The following PRDM2 variants were observed in gnomAD, a reference collection of about 807,000 sequenced individuals.
The protein encoded by PRDM2 is PR/SET domain 2, also known as PR domain zinc finger protein 2.
A neutral mutation model predicts 130.0 loss-of-function variants in PRDM2; 30 were observed. The observed-to-expected ratio is 0.23, with a 90% CI of 0.17 to 0.31. The LOEUF (loss-of-function observed/expected upper bound fraction) is 0.31, where lower values mean the gene tolerates loss of function less well. PRDM2 is among the 10% of genes least tolerant of loss of function. PRDM2 has a pLI of 1.00. For synonymous variants in PRDM2, 871 were observed against 782.4 expected, an observed-to-expected ratio of 1.11 and a Z score of -1.89; for missense variants, 2,011 against 2,108.4, an observed-to-expected ratio of 0.95 and a Z score of 0.90.
At position 13,741,974 on chromosome 1, in the gene PRDM2, CA is replaced by C. The variant is rs776810521; in HGVS notation, c.232-27del. On this transcript the variant is annotated intron_variant, in intron 4 of 9. Transcript: ENST00000311066. ...CATTTTAAAGATACTCCTATTTTAA[CA>C]AAAGTTTTTTACTTTTCTCCATTTT... 4 of 1,497,772 alleles carry C rather than the reference CA, an allele frequency of 2.7e-6. No homozygotes were observed. The East Asian group carries it at 9.1e-5, about 34-fold the overall frequency. 92.8% of individuals were successfully genotyped at this position (1,497,772 alleles called of 1,614,324 possible). A position where few individuals can be genotyped will look rare whatever the true frequency, so the allele number is the denominator to read the frequency against.
intron 5 of PRDM2, among the ~76,000 whole-genome samples, chr1:13,747,393 C>T (rs1033971567): frequency 4.6e-5 from 7 of 152,138 alleles, no homozygotes; most frequent in African/African-American, 1.7e-4. Flanking sequence ...TAACATAAGC[C>T]TGTTCTTTCA....
intron 6 of PRDM2, among the ~76,000 whole-genome samples, chr1:13,761,061 T>G (rs1210085740): frequency 6.6e-6 from 1 of 152,252 alleles, no homozygotes; most frequent in Non-Finnish European, 1.5e-5. Flanking sequence ...TCTTAAAAGC[T>G]GTCTTGTTTC....
At position 13,824,073 on chromosome 1, in the gene PRDM2, GC is replaced by G. The variant is rs1282536631; in HGVS notation, c.*940del. 1.3e-5 allele frequency: 2 copies of G among 152,686 alleles called. No individual in the cohort carries two copies. Among genetic ancestry groups the G allele is most frequent in the Non-Finnish European group, 2.9e-5 (2 of 68,056 alleles). The allele number at this position is 152,686 out of a possible 1,614,324, so 9.5% of individuals were successfully genotyped here. A position where few individuals can be genotyped will look rare whatever the true frequency, so the allele number is the denominator to read the frequency against. On this transcript the variant is annotated 3_prime_UTR_variant, in exon 10 of 10. Coordinates refer to ENST00000311066, the MANE Select transcript of PRDM2 (RefSeq NM_001393986.1). The stretch of plus-strand genomic sequence containing the variant: ...GGGGGAAGAAGAAGAGATTTCGGAG[GC>G]CATCCTGCCAGGGGCGGACGGGGCT...
intron 8 of PRDM2, among the ~76,000 whole-genome samples, chr1:13,783,605 A>T (rs923667028): frequency 1.3e-5 from 2 of 152,176 alleles, no homozygotes; most frequent in African/African-American, 4.8e-5. Context: ...TTACTGCTTT[A>T]TTCCCTGTGC....
At chr1:13,785,874 C>T (rs1393573287) in intron 8 of PRDM2, among the ~76,000 whole-genome samples, 34 of 147,640 alleles carry the variant, frequency 2.3e-4, no homozygotes, top group African/African-American at 6.3e-4. Context: ...AGTCTCGCTC[C>T]GTTGCCCAGG....
At position 13,773,146 on chromosome 1, in the gene PRDM2, G is replaced by A; in HGVS notation, c.580G>A (p.Glu194Lys). The change falls in exon 7 of 10, where the codon GAG (glutamate) becomes AAG (lysine). Residue 194 changes from glutamate to lysine, a missense_variant. Transcript: ENST00000311066. ...KIQDIQLKTS[E>K]PDFTSANMRD... is the part of the protein sequence containing the mutation. The stretch of plus-strand genomic sequence containing the variant: ...CCAAGACATACAACTGAAGACAAGT[G>A]AGCCAGATTTCACCTCTGCAAATAT... 1 of 1,576,780 alleles carries A rather than the reference G, an allele frequency of 6.3e-7. No homozygotes were observed. The highest frequency in any genetic ancestry group is 8.6e-7 in the Non-Finnish European group (1 of 1,165,800).
intron 4 of PRDM2, among the ~76,000 whole-genome samples, chr1:13,735,019 G>A (rs1264473027): frequency 6.6e-6 from 1 of 152,132 alleles, no homozygotes; most frequent in Non-Finnish European, 1.5e-5. Context: ...TAATGTAACA[G>A]AAATGGCTTA....
intron 1 of PRDM2, chr1:13,704,723 G>A (rs1367580956): frequency 2.0e-5 from 3 of 152,162 alleles, no homozygotes; most frequent in East Asian, 1.9e-4. Flanking sequence ...GGATAATTCC[G>A]TGGCACTTTC....
chr1:13,782,647 A>G lies in PRDM2; in HGVS notation c.4852A>G (p.Ser1618Gly). Residue 1618 changes from serine (S) to glycine (G), a missense_variant, in exon 8 of 10, where the codon AGC becomes GGC. By Grantham distance (56) the Ser-to-Gly change is moderately conservative. This residue lies in a region of PRDM2 where 410 missense variants were observed against 395.9 expected (regional missense o/e 1.04). Transcript: ENST00000311066. Reference sequence around the variant, plus strand: ...GAGCCTGCACGTGAGGGTACAGAAAAGCAAAGCTGTTTTACAAAGCAAATC... The same window carrying G: ...GAGCCTGCACGTGAGGGTACAGAAAGGCAAAGCTGTTTTACAAAGCAAATC... ...SRSLHVRVQK[S>G]KAVLQSKSTL... 1 of 1,614,160 alleles carries G rather than the reference A, an allele frequency of 6.2e-7. No homozygotes were observed. The highest frequency in any genetic ancestry group is 8.5e-7 in the Non-Finnish European group (1 of 1,180,042).
intron 8 of PRDM2, among the ~76,000 whole-genome samples, chr1:13,794,912 C>G (rs1644898937): frequency 1.3e-5 from 2 of 152,218 alleles, no homozygotes; most frequent in Non-Finnish European, 2.9e-5. Flanking sequence ...CACCAAGGAC[C>G]TTTGCTGTGT....
chr1:13,780,450 C>G lies in PRDM2; in HGVS notation c.2655C>G (p.Thr885=). The G allele has an allele frequency of 6.2e-7, 1 of 1,614,208 alleles. No homozygotes were observed. Among genetic ancestry groups the G allele is most frequent in the African/African-American group, 1.3e-5 (1 of 75,054 alleles). ...CTGTAAAGAAAAGGAAACCAACCAC[C>G]TGCATGCTGCAGAAGGTTCTTCTCA... ...CSAVKKRKPT[T]CMLQKVLLNE... is the part of the protein sequence containing the mutation. The change falls in exon 8 of 10, where the codon ACC becomes ACG. Residue 885 remains threonine (T), a synonymous_variant. Transcript: ENST00000311066.
chr1:13,774,747 C>A (rs187633795), intron 7 of PRDM2, among the ~76,000 whole-genome samples: 7 of 152,152 alleles, frequency 4.6e-5, no homozygotes, highest in Admixed American at 3.9e-4. Context: ...GAGGCCGAGG[C>A]GGGTGGATCA....
chr1:13,793,820 CAAAAG>C (rs984379902), intron 8 of PRDM2, among the ~76,000 whole-genome samples: 8 of 151,742 alleles, frequency 5.3e-5, no homozygotes, highest in Non-Finnish European at 1.2e-4. Flanking sequence ...TGAGCTAAAA[CAAAAG>C]AAAGATATCG....
chr1:13,715,673 G>T, intron 2 of PRDM2, 59 bp downstream of exon 2: 1 of 1,448,172 alleles, frequency 6.9e-7, no homozygotes, highest in South Asian at 1.3e-5. Context: ...ACCAGCTCTT[G>T]ATTTTTACAA....
At chr1:13,818,677 T>G (rs1300380882) in intron 9 of PRDM2, among the ~76,000 whole-genome samples, 1 of 151,968 alleles carries the variant, frequency 6.6e-6, no homozygotes, top group African/African-American at 2.4e-5. Context: ...GAGCCACCGC[T>G]CCCGGCTGTT....
chr1:13,767,025 G>A (rs1359787541), intron 6 of PRDM2, among the ~76,000 whole-genome samples: 1 of 152,118 alleles, frequency 6.6e-6, no homozygotes, highest in Non-Finnish European at 1.5e-5. Context: ...GACGCTTTAG[G>A]CAATTTTAAT....
chr1:13,748,296 T>C (rs1643678611), intron 5 of PRDM2, among the ~76,000 whole-genome samples: 1 of 152,218 alleles, frequency 6.6e-6, no homozygotes, highest in Non-Finnish European at 1.5e-5. Context: ...TTAGCATCCA[T>C]TTATGATTCT....
chr1:13,761,019 G>A (rs1250133568), intron 6 of PRDM2, among the ~76,000 whole-genome samples: 1 of 152,240 alleles, frequency 6.6e-6, no homozygotes, highest in East Asian at 1.9e-4. Flanking sequence ...GTGGCACTAA[G>A]GAATTCTTCA....
At position 13,771,127 on chromosome 1, in the gene PRDM2, G is replaced by A. The variant is rs76319533; in HGVS notation, c.512-1951G>A. On this transcript the variant is annotated intron_variant, in intron 6 of 9. Coordinates refer to ENST00000311066, the MANE Select transcript of PRDM2 (RefSeq NM_001393986.1). The surrounding 1 kb of genome is among the most constrained non-coding windows in gnomAD (Gnocchi z 4.1). ...CATTATCTGATTTAGACAAAATGCT[G>A]TTAAGTTGACAAAGGGAGAAAGAGT... 4.8e-3 allele frequency among the ~76,000 whole-genome samples: 732 copies of A among 152,286 alleles called. 9 individuals are homozygous for A. Among genetic ancestry groups the A allele is most frequent in the African/African-American group, 0.017 (698 of 41,536 alleles).
Sources: gnomAD v4.1 joint callset for allele counts (sites outside exome capture counted in the v4.1 genomes callset) on GRCh38, gnomAD v4.1.1 for gene constraint, gnomAD v4.1.1 regional missense constraint, Gnocchi (gnomAD v3.1) non-coding constraint, MANE v1.5 for transcripts, NCBI Gene and HGNC (gene_info 2026-07-23, HGNC 2026-07-21) for gene names.